Variants in CUL5 observed in about 807,000 individuals in gnomAD.
CUL5 encodes the protein cullin-5.
A neutral mutation model predicts 108.8 loss-of-function variants in CUL5; 26 were observed. That is an observed-to-expected ratio of 0.24 (90% CI 0.18 to 0.33). The LOEUF (loss-of-function observed/expected upper bound fraction) is 0.33, where lower values mean the gene tolerates loss of function less well. Among genes scored for constraint, CUL5 ranks in the 10% least tolerant of loss-of-function variants. The pLI is 1.00. For synonymous variants in CUL5, 334 were observed against 298.0 expected, an observed-to-expected ratio of 1.12 and a Z score of -1.25; for missense variants, 524 against 909.2, an observed-to-expected ratio of 0.58 and a Z score of 5.45.
At chr11:108,023,710 G>C (rs1477405039) in intron 1 of CUL5, among the ~76,000 whole-genome samples, 6 of 152,134 alleles carry the variant, frequency 3.9e-5, no homozygotes, top group Non-Finnish European at 5.9e-5. Flanking sequence ...TAAATGACAA[G>C]CTCCCCAAAA....
chr11:108,030,814 G>T (rs1259796344), intron 1 of CUL5, among the ~76,000 whole-genome samples: 1 of 152,158 alleles, frequency 6.6e-6, no homozygotes, highest in Non-Finnish European at 1.5e-5. Context: ...TTATTTTTAT[G>T]TAATTTTATC....
At chr11:108,014,444 G>C (rs951358636) in intron 1 of CUL5, among the ~76,000 whole-genome samples, 2 of 152,208 alleles carry the variant, frequency 1.3e-5, no homozygotes. Context: ...TAGGCAAGGG[G>C]TTTGAAATAA....
intron 8 of CUL5, 130 bp from the exon 9 acceptor site, chr11:108,072,198 CAAAA>C: frequency 2.9e-6 from 2 of 684,384 alleles, no homozygotes; most frequent in Non-Finnish European, 4.4e-6. Flanking sequence ...AAAACAACAA[CAAAA>C]AAACGAACAA....
Position 108,009,310 on chromosome 11 carries a change from A to G in CUL5, c.-39A>G. On this transcript the variant is annotated 5_prime_UTR_variant, in exon 1 of 19. Transcript: ENST00000393094. ...TCAAGGCCTGGCCGGGAGCGCCACG[A>G]ATTCTCGCGTCGTCTCGCGAGAGTC... The G allele has an allele frequency of 6.2e-7, 1 of 1,608,518 alleles. No individual in the cohort carries two copies. Among genetic ancestry groups the G allele is most frequent in the Non-Finnish European group, 8.5e-7 (1 of 1,177,384 alleles).
intron 18 of CUL5, among the ~76,000 whole-genome samples, chr11:108,101,122 A>G (rs1436181706): frequency 2.0e-5 from 3 of 152,210 alleles, no homozygotes; most frequent in African/African-American, 7.2e-5. Context: ...TGTGACCCAT[A>G]ATTATGTACA....
chr11:108,011,634 T>A (rs562783762), intron 1 of CUL5, among the ~76,000 whole-genome samples: 2 of 152,178 alleles, frequency 1.3e-5, no homozygotes, highest in South Asian at 2.1e-4. Flanking sequence ...TTTAATTTTT[T>A]TTTTTTTGGA....
In CUL5 at chr11:108,086,961, C is replaced by T. The variant is rs1864234475; in HGVS notation, c.1179-1566C>T. Among the ~76,000 whole-genome samples the T allele has an allele frequency of 2.0e-5, 3 of 152,024 alleles. No homozygotes were observed. The South Asian group carries it at 6.2e-4, about 32-fold the overall frequency. ...TGATGTTAGCTATTATTTTTGTGTT[C>T]TCTTTTTATTTTATTTTTTTCATTC... is the stretch of plus-strand genomic sequence containing the variant. On this transcript the variant is annotated intron_variant, in intron 11 of 18. Transcript: ENST00000393094.
chr11:108,073,302 G>T (rs748882850), intron 9 of CUL5, 88 bp from the exon 10 acceptor site: 4 of 625,106 alleles, frequency 6.4e-6, no homozygotes, highest in African/African-American at 1.9e-5. Flanking sequence ...AGTTTTAAAT[G>T]AGTTTTATTA....
At position 108,050,049 on chromosome 11, in the gene CUL5, G is replaced by A; in HGVS notation, c.394G>A (p.Asp132Asn). 6.2e-7 allele frequency: 1 copy of A among 1,609,180 alleles called. No homozygotes were observed. Among genetic ancestry groups the A allele is most frequent in the Non-Finnish European group, 8.5e-7 (1 of 1,178,232 alleles). ...QGSNKKSNVE[D>N]SIVRKLMLDT... ...CAGCAATAAAAAATCAAATGTGGAA[G>A]ACAGTATTGTTCGAAAGGTAAGACT... Residue 132 changes from aspartate to asparagine, a missense_variant, in exon 4 of 19, where the codon GAC becomes AAC. Physicochemically the swap from Asp to Asn is conservative, Grantham distance 23. Transcript: ENST00000393094.
intron 1 of CUL5, among the ~76,000 whole-genome samples, chr11:108,016,164 G>A (rs899160324): frequency 2.6e-5 from 4 of 152,208 alleles, no homozygotes; most frequent in South Asian, 2.1e-4. Flanking sequence ...ATCTTCCTGC[G>A]TAGGCCTCCC....
intron 2 of CUL5, among the ~76,000 whole-genome samples, chr11:108,035,815 C>T (rs1159474201): frequency 1.3e-5 from 2 of 151,992 alleles, no homozygotes; most frequent in African/African-American, 4.8e-5. Flanking sequence ...TTTGGTTCAG[C>T]ACAGCTTGTG....
At position 108,048,191 on chromosome 11, in the gene CUL5, A is replaced by G. The variant is rs185498210; in HGVS notation, c.235-1699A>G. Among the ~76,000 whole-genome samples the G allele has an allele frequency of 2.6e-5, 4 of 152,166 alleles. No individual in the cohort carries two copies. In the East Asian group the frequency reaches 5.8e-4, roughly 22 times the overall value. On this transcript the variant is annotated intron_variant, in intron 3 of 18. Transcript: ENST00000393094. ...GAACATACCTTGTTAGGAAGGACCA[A>G]ATCTCCCAGATGGTTGAAAGGCAAT...
At chr11:108,054,570 ATATT>A (rs1165474039) in intron 5 of CUL5, 73 bp from the exon 6 acceptor site, 3 of 1,018,734 alleles carry the variant, frequency 2.9e-6, no homozygotes, top group Non-Finnish European at 4.3e-6. Context: ...TGACTCCTCA[ATATT>A]TATTTCATTT....
At position 108,031,364 on chromosome 11, in the gene CUL5, C is replaced by CAA. The variant is rs34044185; in HGVS notation, c.25-2423_25-2422dup. On this transcript the variant is annotated intron_variant, in intron 1 of 18. Transcript: ENST00000393094. Reference sequence around the variant, plus strand: ...TGGGCAACAGAACGAGACTCTGTCTCAAAAAAAAAAAAAAAATCATGAGTT... The same window carrying CAA: ...TGGGCAACAGAACGAGACTCTGTCTCAAAAAAAAAAAAAAAAAATCATGAGTT... 2.7e-4 allele frequency among the ~76,000 whole-genome samples: 38 copies of CAA among 139,842 alleles called. 1 individual carries two copies. Among genetic ancestry groups the CAA allele is most frequent in the African/African-American group, 8.4e-4 (32 of 38,074 alleles). The allele number at this position is 139,842 out of a possible 152,430, so 91.7% of individuals were successfully genotyped here.
At chr11:108,073,204 A>T (rs1212581981) in intron 9 of CUL5, among the ~76,000 whole-genome samples, 186 bp from the exon 10 acceptor site, 2 of 151,204 alleles carry the variant, frequency 1.3e-5, no homozygotes, top group Non-Finnish European at 3.0e-5. Context: ...TCCGTCTCAA[A>T]AAAAAAAAAA....
intron 8 of CUL5, among the ~76,000 whole-genome samples, chr11:108,070,411 T>A (rs1259404723): frequency 6.6e-6 from 1 of 152,158 alleles, no homozygotes; most frequent in Non-Finnish European, 1.5e-5. Flanking sequence ...GCTATCAACA[T>A]CTGTGTATGT....
rs561571406 is a variant in CUL5, at chr11:108,071,615, C to T, written c.875-717C>T. Among the ~76,000 whole-genome samples, 14 of 152,208 alleles carry T rather than the reference C, an allele frequency of 9.2e-5. No homozygotes were observed. In the East Asian group the frequency reaches 1.7e-3, roughly 19 times the overall value. Reference sequence around the variant, plus strand: ...CAGGCTGAGTGCAATGGTGCAATCACGGCTCACTGCAGCCTCAGCCTCCTG... The same window carrying T: ...CAGGCTGAGTGCAATGGTGCAATCATGGCTCACTGCAGCCTCAGCCTCCTG... On this transcript the variant is annotated intron_variant, in intron 8 of 18. Coordinates refer to ENST00000393094, the MANE Select transcript of CUL5 (RefSeq NM_003478.6).
In CUL5 at chr11:108,105,944, T is replaced by C. The variant is rs544500475; in HGVS notation, c.*1560T>C. 7.9e-5 allele frequency: 12 copies of C among 152,270 alleles called. 1 individual carries two copies. The East Asian group carries it at 2.3e-3, about 29-fold the overall frequency. The allele number at this position is 152,270 out of a possible 1,614,324, so 9.4% of individuals were successfully genotyped here. On this transcript the variant is annotated 3_prime_UTR_variant, in exon 19 of 19. Coordinates refer to ENST00000393094, the MANE Select transcript of CUL5 (RefSeq NM_003478.6). ...GAGGCTTTGTGAACTGCCTGCTGAA[T>C]GGAAGGAAAGCAACTTTAAAACATT...
intron 13 of CUL5, among the ~76,000 whole-genome samples, chr11:108,090,319 T>G (rs1015374459): frequency 3.3e-5 from 5 of 151,860 alleles, no homozygotes; most frequent in Non-Finnish European, 7.4e-5. Flanking sequence ...AAACCCAGTC[T>G]CTATTAAAAA....
Sources: allele counts gnomAD v4.1 joint callset (sites outside exome capture counted in the v4.1 genomes callset), GRCh38; gene constraint gnomAD v4.1.1; transcripts MANE v1.5; gene names NCBI Gene and HGNC (gene_info 2026-07-23, HGNC 2026-07-21).